GREB1L: variants seen among roughly 807,000 people sequenced by gnomAD.
GREB1L encodes GREB1-like protein.
Under a neutral mutation model 200.8 loss-of-function variants are expected in GREB1L, and 17 were observed. The observed-to-expected ratio is 0.08, with a 90% confidence interval of 0.06 to 0.13. GREB1L has a LOEUF of 0.13. Among genes scored for constraint, GREB1L ranks in the 10% least tolerant of loss-of-function variants. The probability of loss-of-function intolerance (pLI) is 1.00; values close to 1 mark genes in which losing one functional copy is unlikely to be tolerated. For missense variants in GREB1L, 1,657 were observed against 2,367.7 expected (o/e 0.70, Z 6.23); for synonymous variants, 789 against 893.0 (o/e 0.88, Z 2.08).
At chr18:21,502,115 G>A (rs2036821260) in intron 23 of GREB1L, among the ~76,000 whole-genome samples, 1 of 152,184 alleles carries the variant, frequency 6.6e-6, no homozygotes, top group Non-Finnish European at 1.5e-5. Context: ...AGCCGGGGGT[G>A]ATGGCGGGTG....
chr18:21,447,554 A>G (rs1188046037), intron 11 of GREB1L, among the ~76,000 whole-genome samples: 1 of 152,178 alleles, frequency 6.6e-6, no homozygotes, highest in African/African-American at 2.4e-5. Context: ...GCCTCCTGAT[A>G]GAATATGTTA....
At chr18:21,281,560 G>C (rs1300179760) in intron 1 of GREB1L, among the ~76,000 whole-genome samples, 10 of 152,104 alleles carry the variant, frequency 6.6e-5, no homozygotes, top group Admixed American at 6.5e-4. Flanking sequence ...GAAGCTAATT[G>C]GCTAAAAACG....
chr18:21,272,944 A>T (rs2038101610), intron 1 of GREB1L, among the ~76,000 whole-genome samples: 1 of 152,220 alleles, frequency 6.6e-6, no homozygotes, highest in Admixed American at 6.5e-5. Flanking sequence ...TTTCTCTGGC[A>T]GGCTGGGCAC....
At chr18:21,305,042 G>A (rs2038678890) in intron 1 of GREB1L, among the ~76,000 whole-genome samples, 1 of 151,644 alleles carries the variant, frequency 6.6e-6, no homozygotes, top group Admixed American at 6.6e-5. Flanking sequence ...GCAGTGGCAC[G>A]GTCTTGGCTC....
At chr18:21,430,798 G>A (rs1035290097) in intron 7 of GREB1L, among the ~76,000 whole-genome samples, 1 of 150,522 alleles carries the variant, frequency 6.6e-6, no homozygotes, top group Non-Finnish European at 1.5e-5. Flanking sequence ...GTTTCTCCAT[G>A]TTGGTCAGGC....
intron 1 of GREB1L, among the ~76,000 whole-genome samples, chr18:21,329,996 A>G (rs1434033727): frequency 2.1e-5 from 3 of 145,840 alleles, no homozygotes; most frequent in Non-Finnish European, 4.5e-5. Flanking sequence ...TATCTTGGAT[A>G]TAACTTTTTC....
At chr18:21,493,455 A>G (rs2036418517) in intron 19 of GREB1L, among the ~76,000 whole-genome samples, 1 of 152,202 alleles carries the variant, frequency 6.6e-6, no homozygotes, top group African/African-American at 2.4e-5. Context: ...GCACAGGAGA[A>G]CTGCAGCCAT....
chr18:21,279,084 CA>C (rs2038223139), intron 1 of GREB1L, among the ~76,000 whole-genome samples: 1 of 151,954 alleles, frequency 6.6e-6, no homozygotes, highest in South Asian at 2.1e-4. Flanking sequence ...ATATTAAAAT[CA>C]TTCTAAAAAT....
In GREB1L at chr18:21,245,732, G is replaced by GTTTTGTTTTA. The variant is rs556202689; in HGVS notation, c.-120+3342_-120+3343insTGTTTTATTT. 8.0e-3 allele frequency among the ~76,000 whole-genome samples: 1,216 copies of GTTTTGTTTTA among 151,100 alleles called. 15 individuals carry two copies. The highest frequency in any genetic ancestry group is 0.028 in the African/African-American group (1,143 of 40,828). On this transcript the variant is annotated intron_variant, in intron 1 of 32. Transcript: ENST00000424526. ...GTTTTGTTTTGTTTTGTTTTGTTTT[G>GTTTTGTTTTA]TTTGAGACGAAGTCTTGCTTTGCCA...
intron 14 of GREB1L, chr18:21,452,580 T>A (rs2034577646): frequency 5.4e-6 from 1 of 186,438 alleles, no homozygotes; most frequent in African/African-American, 2.4e-5. Flanking sequence ...CAGTGCAGGG[T>A]CCCCAGCTCC....
At chr18:21,493,501 T>C (rs2036421082) in intron 19 of GREB1L, among the ~76,000 whole-genome samples, 1 of 152,078 alleles carries the variant, frequency 6.6e-6, no homozygotes. Context: ...GGAAAAGCAT[T>C]TTATAGTGGG....
chr18:21,460,654 T>G (rs2145556791), intron 15 of GREB1L, among the ~76,000 whole-genome samples: 1 of 152,242 alleles, frequency 6.6e-6, no homozygotes, highest in South Asian at 2.1e-4. Flanking sequence ...TTTGATTGTT[T>G]AGTTGGTTCT....
chr18:21,481,726 A>C (rs2035931234), intron 17 of GREB1L, among the ~76,000 whole-genome samples: 1 of 151,996 alleles, frequency 6.6e-6, no homozygotes, highest in Non-Finnish European at 1.5e-5. Context: ...AGCTTATATA[A>C]ATGGAAACAT....
chr18:21,452,444 A>G, intron 14 of GREB1L: 1 of 491,248 alleles, frequency 2.0e-6, no homozygotes, highest in Non-Finnish European at 3.5e-6. Flanking sequence ...TCAAAGTCAA[A>G]GACTTTATCT....
intron 1 of GREB1L, among the ~76,000 whole-genome samples, chr18:21,277,224 G>A (rs969626503): frequency 2.0e-5 from 3 of 151,832 alleles, no homozygotes; most frequent in African/African-American, 7.3e-5. Flanking sequence ...CACCGTGCCC[G>A]GCCCAGCCCA....
chr18:21,316,001 G>A (rs1182182333), intron 1 of GREB1L, among the ~76,000 whole-genome samples: 154 of 152,298 alleles, frequency 1.0e-3, no homozygotes, highest in Non-Finnish European at 3.1e-4. Flanking sequence ...CTCGGGGATA[G>A]GCCTGAGGAA....
At chr18:21,328,020 A>T (rs754577445) in intron 1 of GREB1L, among the ~76,000 whole-genome samples, 37 of 152,154 alleles carry the variant, frequency 2.4e-4, no homozygotes, top group Non-Finnish European at 4.0e-4. Context: ...GGCCAACCCC[A>T]GCCTTTCTTA....
intron 1 of GREB1L, among the ~76,000 whole-genome samples, chr18:21,277,254 T>C (rs927940354): frequency 6.6e-6 from 1 of 152,174 alleles, no homozygotes; most frequent in African/African-American, 2.4e-5. Flanking sequence ...ATACAGGCTG[T>C]CCACTTGTCA....
At chr18:21,513,092 C>A (rs1040536699) in intron 27 of GREB1L, among the ~76,000 whole-genome samples, 11 of 152,272 alleles carry the variant, frequency 7.2e-5, no homozygotes, top group African/African-American at 1.2e-4. Flanking sequence ...CCTATGAGAT[C>A]GGCATTATTA....
Sources: gnomAD v4.1 joint callset for allele counts (sites outside exome capture counted in the v4.1 genomes callset) on GRCh38, gnomAD v4.1.1 for gene constraint, MANE v1.5 for transcripts, NCBI Gene and HGNC (gene_info 2026-07-23, HGNC 2026-07-21) for gene names.